Variants in PPP3CA observed in about 807,000 individuals in gnomAD.
PPP3CA encodes CAM-PRP catalytic subunit.
A neutral mutation model predicts 66.5 loss-of-function variants in PPP3CA; 14 were observed. The observed-to-expected ratio is 0.21, with a 90% CI of 0.14 to 0.33. The LOEUF (loss-of-function observed/expected upper bound fraction) is 0.33, where lower values mean the gene tolerates loss of function less well. PPP3CA is among the 10% of genes least tolerant of loss of function. PPP3CA has a pLI of 1.00. For missense variants in PPP3CA, 317 were observed against 639.5 expected, an observed-to-expected ratio of 0.50 and a Z score of 5.44; for synonymous variants, 232 against 226.2, an observed-to-expected ratio of 1.03 and a Z score of -0.23.
chr4:101,194,831 T>C (rs1017122910), intron 2 of PPP3CA, among the ~76,000 whole-genome samples: 1 of 152,020 alleles, frequency 6.6e-6, no homozygotes, highest in Non-Finnish European at 1.5e-5. Flanking sequence ...CCTCCCAAAG[T>C]GCTGGGATTA....
chr4:101,222,246 T>A (rs1725649000), intron 1 of PPP3CA, among the ~76,000 whole-genome samples: 1 of 151,652 alleles, frequency 6.6e-6, no homozygotes, highest in African/African-American at 2.4e-5. Context: ...TCTTTTCCTT[T>A]AGTTAGGAGA....
At chr4:101,059,253 T>C (rs1728355804) in intron 10 of PPP3CA, among the ~76,000 whole-genome samples, 1 of 152,156 alleles carries the variant, frequency 6.6e-6, no homozygotes, top group African/African-American at 2.4e-5. Flanking sequence ...TCCATTGATC[T>C]CTTGCATATT....
At chr4:101,099,101 C>T (rs1227424282) in intron 4 of PPP3CA, among the ~76,000 whole-genome samples, 1 of 151,924 alleles carries the variant, frequency 6.6e-6, no homozygotes, top group Non-Finnish European at 1.5e-5. Context: ...GGTTTTATAC[C>T]TTTGTAAGAT....
intron 1 of PPP3CA, among the ~76,000 whole-genome samples, chr4:101,320,369 T>C (rs1382835171): frequency 1.3e-5 from 2 of 152,148 alleles, no homozygotes; most frequent in Non-Finnish European, 2.9e-5. Context: ...AACAGTATTA[T>C]GTACTAAAGG....
At chr4:101,110,713 C>T (rs578140697) in intron 2 of PPP3CA, among the ~76,000 whole-genome samples, 11 of 152,150 alleles carry the variant, frequency 7.2e-5, no homozygotes, top group African/African-American at 2.6e-4. Context: ...AATCCATATT[C>T]TGAGGCATTG....
chr4:101,070,154 G>A (rs773355410), intron 8 of PPP3CA, among the ~76,000 whole-genome samples: 1 of 152,084 alleles, frequency 6.6e-6, no homozygotes, highest in Non-Finnish European at 1.5e-5. Flanking sequence ...GACAATAGAA[G>A]GAATGAGGGA....
intron 8 of PPP3CA, among the ~76,000 whole-genome samples, chr4:101,077,404 C>A (rs1462568904): frequency 6.6e-6 from 1 of 152,180 alleles, no homozygotes; most frequent in Non-Finnish European, 1.5e-5. Context: ...GGTTAACTCA[C>A]AGATTCTCCA....
At chr4:101,070,561 G>T (rs1204220313) in intron 8 of PPP3CA, among the ~76,000 whole-genome samples, 1 of 152,182 alleles carries the variant, frequency 6.6e-6, no homozygotes, top group African/African-American at 2.4e-5. Flanking sequence ...AATAATATCT[G>T]CCCTCTCACT....
chr4:101,214,635 T>A (rs747850687), intron 1 of PPP3CA, among the ~76,000 whole-genome samples: 1 of 152,022 alleles, frequency 6.6e-6, no homozygotes, highest in Admixed American at 6.6e-5. Context: ...ATAATGAAAC[T>A]AACTCCTCCC....
intron 1 of PPP3CA, among the ~76,000 whole-genome samples, chr4:101,216,446 C>G (rs766222870): frequency 2.6e-5 from 4 of 152,118 alleles, no homozygotes; most frequent in Non-Finnish European, 5.9e-5. Flanking sequence ...GATTTTGGTG[C>G]TATATTCCAA....
intron 1 of PPP3CA, among the ~76,000 whole-genome samples, chr4:101,291,005 G>A (rs569401192): frequency 6.6e-6 from 1 of 152,162 alleles, no homozygotes; most frequent in Non-Finnish European, 1.5e-5. Context: ...GCTACCATAA[G>A]AACGAAGCCA....
intron 10 of PPP3CA, among the ~76,000 whole-genome samples, chr4:101,060,052 C>T (rs1324255358): frequency 6.6e-6 from 1 of 152,036 alleles, no homozygotes. Context: ...TTGTTTGAAT[C>T]CATGGATGCA....
chr4:101,115,406 G>A (rs1352842245), intron 2 of PPP3CA, among the ~76,000 whole-genome samples: 2 of 151,952 alleles, frequency 1.3e-5, no homozygotes, highest in Admixed American at 6.6e-5. Flanking sequence ...TCTTTAATGA[G>A]AAGGGATAGG....
chr4:101,127,383 T>C (rs1285112562), intron 2 of PPP3CA, among the ~76,000 whole-genome samples: 1 of 152,012 alleles, frequency 6.6e-6, no homozygotes, highest in Non-Finnish European at 1.5e-5. Flanking sequence ...TCACGCTTGA[T>C]TGGGATGGGC....
chr4:101,085,225 T>G (rs1452967534), intron 6 of PPP3CA, among the ~76,000 whole-genome samples: 2 of 152,216 alleles, frequency 1.3e-5, no homozygotes, highest in East Asian at 3.9e-4. Context: ...AAATTCCTTG[T>G]GCCTTCGCAA....
chr4:101,343,809 C>G (rs903835312), intron 1 of PPP3CA, among the ~76,000 whole-genome samples: 1 of 152,160 alleles, frequency 6.6e-6, no homozygotes, highest in Non-Finnish European at 1.5e-5. Flanking sequence ...GAGACAGACT[C>G]AACCTACGTC....
chr4:101,218,920 T>C (rs1477941884), intron 1 of PPP3CA, among the ~76,000 whole-genome samples: 1 of 152,116 alleles, frequency 6.6e-6, no homozygotes, highest in African/African-American at 2.4e-5. Context: ...TAGTTTTTAC[T>C]GGCTATCCAC....
intron 2 of PPP3CA, among the ~76,000 whole-genome samples, chr4:101,123,730 C>G (rs1035413027): frequency 6.6e-6 from 1 of 152,100 alleles, no homozygotes; most frequent in Non-Finnish European, 1.5e-5. Context: ...TCTTGTCATC[C>G]AGGCTAGGAA....
chr4:101,040,683 C>G (rs1170690595), intron 10 of PPP3CA, 117 bp from the exon 11 acceptor site: 1 of 721,306 alleles, frequency 1.4e-6, no homozygotes, highest in South Asian at 2.7e-5. Flanking sequence ...TTTTTTTTCC[C>G]CCTTAAGAGG....
Sources: allele counts gnomAD v4.1 joint callset (sites outside exome capture counted in the v4.1 genomes callset), GRCh38; gene constraint gnomAD v4.1.1; transcripts MANE v1.5; gene names NCBI Gene and HGNC (gene_info 2026-07-23, HGNC 2026-07-21).